MARK4: variants seen among roughly 807,000 people sequenced by gnomAD.
The protein encoded by MARK4 is MAP/microtubule affinity-regulating kinase 4.
Under a neutral mutation model 81.5 loss-of-function variants are expected in MARK4, and 19 were observed. The observed-to-expected ratio is 0.23, with a 90% CI of 0.16 to 0.34. The LOEUF is 0.34. Among genes scored for constraint, MARK4 ranks in the 10% least tolerant of loss-of-function variants. The probability of loss-of-function intolerance (pLI) is 1.00; values close to 1 mark genes in which losing one functional copy is unlikely to be tolerated. For synonymous variants in MARK4, 436 were observed against 439.0 expected, an observed-to-expected ratio of 0.99 and a Z score of 0.08; for missense variants, 772 against 1,058.8, an observed-to-expected ratio of 0.73 and a Z score of 3.76.
At chr19:45,278,089 T>C in intron 9 of MARK4, 47 bp downstream of exon 9, 1 of 1,603,344 alleles carries the variant, frequency 6.2e-7, no homozygotes, top group Non-Finnish European at 8.5e-7. Context: ...GTCTCCTGAC[T>C]CCCCTAAACT....
intron 13 of MARK4, 34 bp downstream of exon 13, chr19:45,287,698 G>A (rs756054631): frequency 6.3e-7 from 1 of 1,586,646 alleles, no homozygotes. Flanking sequence ...AGGGCTGGGG[G>A]CGCCACCTGG....
At chr19:45,291,259 G>A (rs946774721) in intron 13 of MARK4, among the ~76,000 whole-genome samples, 1 of 152,194 alleles carries the variant, frequency 6.6e-6, no homozygotes, top group Non-Finnish European at 1.5e-5. Context: ...CAATGGGTGG[G>A]ATTTGTAGGA....
intron 7 of MARK4, among the ~76,000 whole-genome samples, chr19:45,266,842 C>T (rs2123045005): frequency 6.6e-6 from 1 of 151,106 alleles, no homozygotes; most frequent in Admixed American, 6.6e-5. Context: ...ACACCATTCT[C>T]CTGCCTCAGC....
chr19:45,298,375 A>G (rs976816387), intron 15 of MARK4, among the ~76,000 whole-genome samples: 3 of 152,088 alleles, frequency 2.0e-5, no homozygotes, highest in African/African-American at 7.2e-5. Flanking sequence ...CAGCCTATGG[A>G]GCCAGACTCG....
Position 45,258,165 on chromosome 19 carries a change from T to C in MARK4, c.52-824T>C, listed in dbSNP as rs1030753404. ...TGCCTGGCTAATTTTTGTATTTTTT[T>C]AGTAGAGATGGGGTTTTCACCATAT... On this transcript the variant is annotated intron_variant, in intron 1 of 16. Coordinates refer to ENST00000262891, the MANE Select transcript of MARK4 (RefSeq NM_001199867.2). Among the ~76,000 whole-genome samples, 44 of 151,926 alleles carry C rather than the reference T, an allele frequency of 2.9e-4. 1 individual carries two copies.
intron 12 of MARK4, among the ~76,000 whole-genome samples, chr19:45,284,828 G>T (rs1281838349): frequency 6.6e-6 from 1 of 151,856 alleles, no homozygotes; most frequent in Non-Finnish European, 1.5e-5. Flanking sequence ...AGTGGCTCTT[G>T]CCTTGTAATC....
intron 13 of MARK4, among the ~76,000 whole-genome samples, chr19:45,292,373 A>G (rs1309886460): frequency 6.6e-6 from 1 of 152,194 alleles, no homozygotes; most frequent in South Asian, 2.1e-4. Context: ...ACCTTGGGCA[A>G]GTAACTTCAC....
At chr19:45,283,445 C>G (rs995229378) in intron 12 of MARK4, among the ~76,000 whole-genome samples, 15 of 150,356 alleles carry the variant, frequency 1.0e-4, no homozygotes, top group African/African-American at 3.7e-4. Context: ...AATCAACTTC[C>G]AATCCCCCTT....
chr19:45,277,795 A>G (rs1970617829), intron 8 of MARK4, 128 bp from the exon 9 acceptor site: 7 of 1,116,976 alleles, frequency 6.3e-6, no homozygotes, highest in Non-Finnish European at 8.5e-6. Flanking sequence ...AGCTTCTGTC[A>G]CTTCTATCAA....
chr19:45,252,282 A>T (rs187794562), intron 1 of MARK4, among the ~76,000 whole-genome samples: 25 of 151,826 alleles, frequency 1.6e-4, no homozygotes, highest in African/African-American at 6.0e-4. Flanking sequence ...CCCATCTTCC[A>T]AGCAGCCCTG....
chr19:45,277,433 A>AT (rs35920861), intron 8 of MARK4, among the ~76,000 whole-genome samples: 7,142 of 131,834 alleles, frequency 0.054, 575 homozygotes, highest in African/African-American at 0.17. Context: ...TGTAGCTTAA[A>AT]TTTTTTTTTT....
intron 7 of MARK4, 49 bp downstream of exon 7, chr19:45,266,330 G>A (rs1179963936): frequency 1.3e-6 from 2 of 1,578,552 alleles, no homozygotes; most frequent in Non-Finnish European, 1.7e-6. Flanking sequence ...TCAGCCCACA[G>A]ACTTCTCCCT....
At chr19:45,300,473 A>G (rs565362307) in intron 16 of MARK4, among the ~76,000 whole-genome samples, 36 of 150,658 alleles carry the variant, frequency 2.4e-4, no homozygotes, top group Admixed American at 2.3e-3. Flanking sequence ...GCTCAGGGCC[A>G]GCAGGAGGCA....
chr19:45,300,879 A>G (rs1315437704), intron 16 of MARK4, among the ~76,000 whole-genome samples: 2 of 152,000 alleles, frequency 1.3e-5, no homozygotes, highest in African/African-American at 2.4e-5. Flanking sequence ...GTGGCCGGGA[A>G]GTAGAATGCT....
At chr19:45,285,672 G>T (rs1216967838) in intron 12 of MARK4, among the ~76,000 whole-genome samples, 1 of 148,540 alleles carries the variant, frequency 6.7e-6, no homozygotes, top group African/African-American at 2.6e-5. Flanking sequence ...GTAACCTTCA[G>T]AACTCCCCAC....
At chr19:45,257,493 C>G (rs540470649) in intron 1 of MARK4, among the ~76,000 whole-genome samples, 16 of 149,792 alleles carry the variant, frequency 1.1e-4, no homozygotes, top group African/African-American at 3.9e-4. Context: ...AAGTGATTCT[C>G]CTGCCTCAGC....
At chr19:45,284,582 C>T (rs1242397208) in intron 12 of MARK4, among the ~76,000 whole-genome samples, 2 of 152,128 alleles carry the variant, frequency 1.3e-5, no homozygotes, top group African/African-American at 4.8e-5. Context: ...TTGGCTTTGG[C>T]TTCCCAAAGT....
chr19:45,254,204 G>A (rs766465131), intron 1 of MARK4, among the ~76,000 whole-genome samples: 2 of 152,152 alleles, frequency 1.3e-5, no homozygotes, highest in African/African-American at 4.8e-5. Context: ...GTGTTGGGGC[G>A]CCAGCCGGGC....
chr19:45,255,482 AC>A (rs1970294998), intron 1 of MARK4, among the ~76,000 whole-genome samples: 1 of 147,964 alleles, frequency 6.8e-6, no homozygotes, highest in Admixed American at 6.9e-5. Context: ...AATTGCTTGA[AC>A]CCAGGAGGTG....
Sources: allele counts gnomAD v4.1 joint callset (sites outside exome capture counted in the v4.1 genomes callset), GRCh38; gene constraint gnomAD v4.1.1; transcripts MANE v1.5; gene names NCBI Gene and HGNC (gene_info 2026-07-23, HGNC 2026-07-21).